Variants in FAM210A observed in about 807,000 individuals in gnomAD.
FAM210A encodes family with sequence similarity 210 member A.
A neutral mutation model predicts 25.3 loss-of-function variants in FAM210A; 13 were observed. The ratio of observed to expected loss-of-function variants is 0.51; its 90% CI spans 0.33 to 0.82. The LOEUF (loss-of-function observed/expected upper bound fraction) is 0.82, where lower values mean the gene tolerates loss of function less well. FAM210A is among the 40% of genes least tolerant of loss of function. FAM210A has a pLI of 0.02. For synonymous variants in FAM210A, 125 were observed against 118.7 expected (o/e 1.05, Z -0.35); for missense variants, 319 against 323.2 (o/e 0.99, Z 0.10).
At chr18:13,702,842 CCTTT>C (rs1447630988) in intron 1 of FAM210A, among the ~76,000 whole-genome samples, 19 of 152,304 alleles carry the variant, frequency 1.2e-4, no homozygotes, top group Non-Finnish European at 2.5e-4. Flanking sequence ...GCGGAATTCT[CCTTT>C]CTAAGAGCAC....
intron 1 of FAM210A, among the ~76,000 whole-genome samples, chr18:13,715,760 G>A (rs181244670): frequency 3.5e-4 from 53 of 152,272 alleles, no homozygotes; most frequent in African/African-American, 1.2e-3. Flanking sequence ...GTCCTAAGTA[G>A]TATCAAACAT....
chr18:13,704,646 C>A (rs560240588), intron 1 of FAM210A, among the ~76,000 whole-genome samples: 2 of 152,098 alleles, frequency 1.3e-5, no homozygotes, highest in Non-Finnish European at 1.5e-5. Flanking sequence ...GAGAGGTAAG[C>A]ACAGGATTAT....
chr18:13,673,558 CTTCT>C (rs1286113414), intron 2 of FAM210A, among the ~76,000 whole-genome samples: 1 of 151,340 alleles, frequency 6.6e-6, no homozygotes. Context: ...TGAGCCCCGA[CTTCT>C]TTATTTCCAG....
chr18:13,699,959 A>T (rs2043725606), intron 1 of FAM210A, among the ~76,000 whole-genome samples: 1 of 152,026 alleles, frequency 6.6e-6, no homozygotes, highest in African/African-American at 2.4e-5. Flanking sequence ...TTCTCTCTCT[A>T]CTCTCACACT....
chr18:13,669,357 C>G (rs1003358457), intron 3 of FAM210A, among the ~76,000 whole-genome samples: 2 of 152,148 alleles, frequency 1.3e-5, no homozygotes, highest in Non-Finnish European at 2.9e-5. Context: ...TTTTAAGGGC[C>G]AACAAGGCTG....
chr18:13,668,524 T>C (rs2043418985), intron 3 of FAM210A, among the ~76,000 whole-genome samples: 2 of 152,246 alleles, frequency 1.3e-5, no homozygotes, highest in South Asian at 4.1e-4. Context: ...TTCCAGTATA[T>C]ACAACCACCT....
intron 1 of FAM210A, among the ~76,000 whole-genome samples, chr18:13,685,583 A>G (rs1394983790): frequency 6.6e-6 from 1 of 152,122 alleles, no homozygotes; most frequent in African/African-American, 2.4e-5. Flanking sequence ...CCAATTGCCA[A>G]TCAGAAAATC....
At chr18:13,692,862 C>G (rs536032973) in intron 1 of FAM210A, among the ~76,000 whole-genome samples, 2 of 152,210 alleles carry the variant, frequency 1.3e-5, no homozygotes, top group East Asian at 1.9e-4. Context: ...CAAACACATT[C>G]AAAAGCTAGC....
chr18:13,720,999 G>C (rs899895468), intron 1 of FAM210A, among the ~76,000 whole-genome samples: 5 of 152,118 alleles, frequency 3.3e-5, no homozygotes, highest in Non-Finnish European at 7.4e-5. Context: ...TGTTGGATTA[G>C]GGGCCCAGCC....
At chr18:13,723,369 T>C (rs566128555) in intron 1 of FAM210A, among the ~76,000 whole-genome samples, 3 of 152,290 alleles carry the variant, frequency 2.0e-5, no homozygotes, top group South Asian at 2.1e-4. Context: ...AAAAAATATA[T>C]AGATGTAGAT....
chr18:13,725,919 C>G (rs528449427), intron 1 of FAM210A, among the ~76,000 whole-genome samples: 2 of 152,188 alleles, frequency 1.3e-5, no homozygotes, highest in Non-Finnish European at 2.9e-5. Flanking sequence ...GCTTCCCAAA[C>G]ACGGCGGTAA....
intron 1 of FAM210A, among the ~76,000 whole-genome samples, chr18:13,724,835 G>A (rs768502648): frequency 3.3e-5 from 5 of 152,110 alleles, no homozygotes; most frequent in Non-Finnish European, 7.4e-5. Context: ...GTGCAACGGC[G>A]CAATCTCGGC....
chr18:13,695,889 T>C (rs1304201046), intron 1 of FAM210A, among the ~76,000 whole-genome samples: 1 of 152,096 alleles, frequency 6.6e-6, no homozygotes, highest in East Asian at 1.9e-4. Context: ...GGAACTAATA[T>C]GCAAGTACAG....
chr18:13,666,862 T>C (rs1164387450), intron 3 of FAM210A, 149 bp from the exon 4 acceptor site: 2 of 670,898 alleles, frequency 3.0e-6, no homozygotes, highest in Non-Finnish European at 5.0e-6. Context: ...ATATCCTATA[T>C]GGTTTTCCCT....
intron 1 of FAM210A, among the ~76,000 whole-genome samples, chr18:13,712,359 T>C (rs2043828577): frequency 6.6e-6 from 1 of 152,168 alleles, no homozygotes; most frequent in African/African-American, 2.4e-5. Context: ...GAGAAAAGCA[T>C]GTGACCTAAA....
chr18:13,720,298 G>C (rs1253494795), intron 1 of FAM210A, among the ~76,000 whole-genome samples: 3 of 152,140 alleles, frequency 2.0e-5, no homozygotes, highest in African/African-American at 4.8e-5. Flanking sequence ...CTGAGTGGCA[G>C]AGCAGTTTGC....
chr18:13,711,246 C>T (rs556368336), intron 1 of FAM210A, among the ~76,000 whole-genome samples: 2 of 152,256 alleles, frequency 1.3e-5, no homozygotes, highest in East Asian at 1.9e-4. Context: ...TGGTGGGTGC[C>T]TGTAATCCCA....
At chr18:13,693,822 A>G (rs1222227791) in intron 1 of FAM210A, among the ~76,000 whole-genome samples, 1 of 152,250 alleles carries the variant, frequency 6.6e-6, no homozygotes, top group Non-Finnish European at 1.5e-5. Flanking sequence ...AAAGTGGCGC[A>G]AGACAGGGAT....
intron 1 of FAM210A, among the ~76,000 whole-genome samples, chr18:13,718,728 G>C (rs1410644503): frequency 2.6e-5 from 4 of 152,084 alleles, no homozygotes; most frequent in African/African-American, 7.2e-5. Flanking sequence ...CTTAGCAATA[G>C]GAATTTACTT....
Sources: allele counts gnomAD v4.1 joint callset (sites outside exome capture counted in the v4.1 genomes callset), GRCh38; gene constraint gnomAD v4.1.1; transcripts MANE v1.5; gene names NCBI Gene and HGNC (gene_info 2026-07-23, HGNC 2026-07-21).